GALNT13: variants seen among roughly 807,000 people sequenced by gnomAD.
GALNT13 encodes the protein polypeptide N-acetylgalactosaminyltransferase 13.
Under a neutral mutation model 64.2 loss-of-function variants are expected in GALNT13, and 28 were observed. The observed-to-expected ratio is 0.44, with a 90% CI of 0.32 to 0.60. The LOEUF is 0.60. GALNT13 is among the 20% of genes least tolerant of loss of function. The pLI is 0.05. For synonymous variants in GALNT13, 214 were observed against 224.6 expected (o/e 0.95, Z 0.42); for missense variants, 577 against 669.8 (o/e 0.86, Z 1.53).
the GALNT13 span, among the ~76,000 whole-genome samples, chr2:153,502,306 T>G: frequency 6.6e-6 from 1 of 152,202 alleles, no homozygotes; most frequent in Admixed American, 6.5e-5. Context: ...TCCTCATTAC[T>G]TAGCTCCCAC....
intron 9 of GALNT13, among the ~76,000 whole-genome samples, chr2:154,387,897 T>A (rs1053529924): frequency 6.6e-6 from 1 of 152,190 alleles, no homozygotes; most frequent in African/African-American, 2.4e-5. Flanking sequence ...AGTGCAGATA[T>A]CCCTTTGACA....
chr2:154,279,295 C>A (rs546353108), intron 8 of GALNT13, among the ~76,000 whole-genome samples: 2 of 152,184 alleles, frequency 1.3e-5, no homozygotes, highest in East Asian at 3.9e-4. Flanking sequence ...AACCTTAATA[C>A]GAGTTCAGGA....
the GALNT13 span, among the ~76,000 whole-genome samples, chr2:153,362,792 C>G: frequency 2.0e-5 from 3 of 152,024 alleles, no homozygotes; most frequent in African/African-American, 7.2e-5. Flanking sequence ...TAGTGGGAGA[C>G]TTTAACATCC....
At chr2:153,114,493 T>G in the GALNT13 span, among the ~76,000 whole-genome samples, 2 of 152,178 alleles carry the variant, frequency 1.3e-5, no homozygotes, top group East Asian at 3.8e-4. Context: ...CTGCTCATCC[T>G]TAATTGATTT....
chr2:154,204,372 C>A (rs1687327597), intron 4 of GALNT13, among the ~76,000 whole-genome samples: 1 of 152,058 alleles, frequency 6.6e-6, no homozygotes, highest in South Asian at 2.1e-4. Context: ...AGAGAAGTCC[C>A]TTATATACTG....
the GALNT13 span, among the ~76,000 whole-genome samples, chr2:153,710,026 A>G: frequency 9.8e-4 from 149 of 152,186 alleles, no homozygotes; most frequent in African/African-American, 3.4e-3. Context: ...ACAAAGCCTC[A>G]GGCAGAAGAA....
the GALNT13 span, among the ~76,000 whole-genome samples, chr2:153,216,402 A>G: frequency 2.6e-5 from 4 of 152,170 alleles, no homozygotes; most frequent in East Asian, 7.7e-4. Flanking sequence ...CAAAGTGGCT[A>G]TACTATTTTA....
chr2:153,329,171 C>T, the GALNT13 span, among the ~76,000 whole-genome samples: 1 of 152,118 alleles, frequency 6.6e-6, no homozygotes, highest in Non-Finnish European at 1.5e-5. Context: ...GAACCGGGTA[C>T]CTCAGCTGGA....
intron 3 of GALNT13, among the ~76,000 whole-genome samples, chr2:154,110,336 TAGAGAGAG>T (rs1190684961): frequency 2.8e-3 from 28 of 9,922 alleles, no homozygotes; most frequent in Admixed American, 7.9e-3. Flanking sequence ...TATATATATA[TAGAGAGAG>T]AGAGAGAGAG....
chr2:153,711,548 G>A, the GALNT13 span, among the ~76,000 whole-genome samples: 2 of 152,124 alleles, frequency 1.3e-5, no homozygotes, highest in African/African-American at 4.8e-5. Context: ...AATCTTGGCA[G>A]TCACCTGGAT....
the GALNT13 span, among the ~76,000 whole-genome samples, chr2:153,830,467 G>A: frequency 1.3e-5 from 2 of 151,998 alleles, no homozygotes; most frequent in Non-Finnish European, 2.9e-5. Context: ...ATTTACTACT[G>A]TCAGCTGAGC....
At chr2:154,265,110 G>A (rs1209724606) in intron 8 of GALNT13, among the ~76,000 whole-genome samples, 4 of 151,644 alleles carry the variant, frequency 2.6e-5, no homozygotes, top group African/African-American at 9.7e-5. Flanking sequence ...TCAGAAAGGT[G>A]GCATGACCAC....
At chr2:154,027,747 G>C (rs1698071629) in intron 3 of GALNT13, among the ~76,000 whole-genome samples, 1 of 151,978 alleles carries the variant, frequency 6.6e-6, no homozygotes, top group Admixed American at 6.6e-5. Flanking sequence ...AAATATCATG[G>C]GGGATAAATA....
At chr2:154,264,312 T>G (rs1327871911) in intron 8 of GALNT13, among the ~76,000 whole-genome samples, 1 of 151,864 alleles carries the variant, frequency 6.6e-6, no homozygotes, top group African/African-American at 2.4e-5. Flanking sequence ...AGAAACTACA[T>G]AACATACTTC....
At chr2:153,389,862 C>A in the GALNT13 span, among the ~76,000 whole-genome samples, 2 of 152,040 alleles carry the variant, frequency 1.3e-5, no homozygotes, top group Non-Finnish European at 2.9e-5. Flanking sequence ...TAATAATTTT[C>A]ATTATTCCTT....
intron 9 of GALNT13, among the ~76,000 whole-genome samples, chr2:154,370,602 T>C (rs1202452612): frequency 3.3e-5 from 5 of 152,100 alleles, no homozygotes; most frequent in Admixed American, 6.6e-5. Context: ...AGGTACCATT[T>C]GCTAAAATGG....
At chr2:153,186,285 C>CT in the GALNT13 span, among the ~76,000 whole-genome samples, 4 of 151,768 alleles carry the variant, frequency 2.6e-5, no homozygotes, top group Admixed American at 6.6e-5. Flanking sequence ...GCAACCCCTG[C>CT]TTTTTTTTCC....
At chr2:154,348,463 G>C (rs2105246302) in intron 9 of GALNT13, among the ~76,000 whole-genome samples, 1 of 152,038 alleles carries the variant, frequency 6.6e-6, no homozygotes, top group East Asian at 1.9e-4. Flanking sequence ...CTATTAGTCA[G>C]AGATTAGAGT....
the GALNT13 span, among the ~76,000 whole-genome samples, chr2:153,836,872 G>A: frequency 0.028 from 4,268 of 152,140 alleles, 215 homozygotes; most frequent in African/African-American, 0.097. Flanking sequence ...ATTCCGTGGT[G>A]TATATGTGCC....
Sources: gnomAD v4.1 joint callset for allele counts (sites outside exome capture counted in the v4.1 genomes callset) on GRCh38, gnomAD v4.1.1 for gene constraint, MANE v1.5 for transcripts, NCBI Gene and HGNC (gene_info 2026-07-23, HGNC 2026-07-21) for gene names.